Variants in CENPP observed in about 807,000 individuals in gnomAD.
The protein encoded by CENPP is centromere protein P.
Under a neutral mutation model 35.6 loss-of-function variants are expected in CENPP, and 24 were observed. The observed-to-expected ratio is 0.67, with a 90% CI of 0.49 to 0.95. The LOEUF (loss-of-function observed/expected upper bound fraction) is 0.95, where lower values mean the gene tolerates loss of function less well. Ranked by LOEUF, CENPP falls within the 40% of genes least tolerant of loss-of-function variation. The pLI is 0.00. For missense variants in CENPP, 332 were observed against 345.3 expected (o/e 0.96, Z 0.31); for synonymous variants, 120 against 125.5 (o/e 0.96, Z 0.29).
chr9:92,338,515 G>A (rs75572697), intron 3 of CENPP, among the ~76,000 whole-genome samples: 17,499 of 151,972 alleles, frequency 0.12, 1,065 homozygotes, highest in Middle Eastern at 0.15. Flanking sequence ...CAATGTAAAC[G>A]CTATGAAATA....
chr9:92,546,354 C>G (rs926317203), intron 5 of CENPP, among the ~76,000 whole-genome samples: 1 of 152,176 alleles, frequency 6.6e-6, no homozygotes, highest in Non-Finnish European at 1.5e-5. Flanking sequence ...TGTGTGGAAG[C>G]TTTGTTCTTT....
At position 92,615,616 on chromosome 9, in the gene CENPP, C is replaced by T. The variant is rs1453348116; in HGVS notation, c.*2467C>T. On this transcript the variant is annotated 3_prime_UTR_variant, in exon 8 of 8. Coordinates refer to ENST00000375587, the MANE Select transcript of CENPP (RefSeq NM_001012267.3). ...GACACTTCCATTTTAAGAGTGTGAG[C>T]AGCTTCCTGGGACACAGCACTCACT... 5.6e-6 allele frequency: 3 copies of T among 533,568 alleles called. No homozygotes were observed. The Admixed American group carries it at 9.7e-5, about 17-fold the overall frequency. 33.1% of individuals were successfully genotyped at this position (533,568 alleles called of 1,614,324 possible).
At chr9:92,591,505 C>G (rs1036326670) in intron 5 of CENPP, among the ~76,000 whole-genome samples, 2 of 151,454 alleles carry the variant, frequency 1.3e-5, no homozygotes, top group African/African-American at 4.9e-5. Context: ...TGTGTCAATC[C>G]TAACTCAAGA....
intron 5 of CENPP, among the ~76,000 whole-genome samples, chr9:92,446,055 A>G (rs1844544233): frequency 6.6e-6 from 1 of 152,200 alleles, no homozygotes; most frequent in East Asian, 1.9e-4. Context: ...GGTAAAGAAT[A>G]AAAGTTGCTA....
rs552721320 is a variant in CENPP, at chr9:92,601,253, G to C, written c.565-10061G>C. ...CCACACAATTAGACTTGGAGATACA[G>C]TCTTTCCATCCTGTATGTAATCAAA... is the stretch of plus-strand genomic sequence containing the variant. On this transcript the variant is annotated intron_variant, in intron 5 of 7. Coordinates refer to ENST00000375587, the MANE Select transcript of CENPP (RefSeq NM_001012267.3). Among the ~76,000 whole-genome samples the C allele has an allele frequency of 2.6e-5, 4 of 152,278 alleles. No homozygotes were observed. In the South Asian group the frequency reaches 8.3e-4, roughly 32 times the overall value.
intron 5 of CENPP, chr9:92,393,264 A>G: frequency 6.4e-7 from 1 of 1,565,296 alleles, no homozygotes; most frequent in Non-Finnish European, 8.7e-7. Context: ...GAATAAAATC[A>G]TAAAAATATG....
intron 5 of CENPP, among the ~76,000 whole-genome samples, chr9:92,551,623 C>T (rs1189097381): frequency 6.6e-6 from 1 of 151,792 alleles, no homozygotes; most frequent in Non-Finnish European, 1.5e-5. Flanking sequence ...TACCCATCAC[C>T]CAAGCAGTAT....
chr9:92,522,990 T>C, intron 5 of CENPP: 2 of 1,173,262 alleles, frequency 1.7e-6, no homozygotes, highest in Non-Finnish European at 2.3e-6. Flanking sequence ...AGGCAAGTCT[T>C]TGAGAAATTA....
At chr9:92,478,841 A>G (rs556489994) in intron 5 of CENPP, among the ~76,000 whole-genome samples, 1 of 152,250 alleles carries the variant, frequency 6.6e-6, no homozygotes, top group South Asian at 2.1e-4. Flanking sequence ...TTTAACAGAT[A>G]ATATATCCAA....
At chr9:92,386,660 G>T (rs916464814) in intron 5 of CENPP, among the ~76,000 whole-genome samples, 8 of 152,042 alleles carry the variant, frequency 5.3e-5, no homozygotes, top group Non-Finnish European at 1.0e-4. Flanking sequence ...TTTGACCCTG[G>T]TGCTGCCATA....
At chr9:92,557,632 A>G (rs1326167173) in intron 5 of CENPP, among the ~76,000 whole-genome samples, 2 of 151,950 alleles carry the variant, frequency 1.3e-5, no homozygotes, top group Non-Finnish European at 2.9e-5. Flanking sequence ...TTTCCAGAGC[A>G]TTTCGCATTT....
intron 5 of CENPP, among the ~76,000 whole-genome samples, chr9:92,603,218 G>T (rs1479990604): frequency 6.6e-6 from 1 of 152,266 alleles, no homozygotes; most frequent in Non-Finnish European, 1.5e-5. Flanking sequence ...CAGGGCAGTT[G>T]TGCAGGCCCC....
intron 5 of CENPP, among the ~76,000 whole-genome samples, chr9:92,458,721 A>C (rs1239250711): frequency 6.6e-6 from 1 of 152,236 alleles, no homozygotes; most frequent in Admixed American, 6.5e-5. Flanking sequence ...CAGAAATGAC[A>C]TCAGGGATGG....
At chr9:92,352,505 G>GTGTGTGTATATATATATA in intron 4 of CENPP, among the ~76,000 whole-genome samples, 17 of 49,770 alleles carry the variant, frequency 3.4e-4, no homozygotes, top group African/African-American at 1.1e-3. Context: ...GTGTGTGTGT[G>GTGTGTGTATATATATATA]TATACATATA....
At chr9:92,557,909 C>G (rs950923771) in intron 5 of CENPP, among the ~76,000 whole-genome samples, 1 of 152,204 alleles carries the variant, frequency 6.6e-6, no homozygotes, top group Non-Finnish European at 1.5e-5. Flanking sequence ...TCCCAAAGTG[C>G]TGGGATTACA....
At chr9:92,388,687 C>T (rs1842539583) in intron 5 of CENPP, among the ~76,000 whole-genome samples, 1 of 151,630 alleles carries the variant, frequency 6.6e-6, no homozygotes, top group Non-Finnish European at 1.5e-5. Context: ...TAGAAATTAG[C>T]CGGGCGTGGT....
chr9:92,474,781 A>ATCT, intron 5 of CENPP: 1 of 1,583,212 alleles, frequency 6.3e-7, no homozygotes, highest in Non-Finnish European at 8.6e-7. Flanking sequence ...CATCATCATC[A>ATCT]TCATCTGTGT....
chr9:92,533,328 A>AAAAAAAATATAT (rs1554683138), intron 5 of CENPP, among the ~76,000 whole-genome samples: 1 of 38,336 alleles, frequency 2.6e-5, no homozygotes, highest in Non-Finnish European at 4.3e-5. Flanking sequence ...AAAAAAAAAA[A>AAAAAAAATATAT]ATATATATAT....
intron 5 of CENPP, among the ~76,000 whole-genome samples, chr9:92,477,470 C>G (rs1428296436): frequency 6.6e-6 from 1 of 152,142 alleles, no homozygotes; most frequent in Non-Finnish European, 1.5e-5. Flanking sequence ...CCAGTTTATT[C>G]TGTAACATTC....
Sources: allele counts gnomAD v4.1 joint callset (sites outside exome capture counted in the v4.1 genomes callset), GRCh38; gene constraint gnomAD v4.1.1; transcripts MANE v1.5; gene names NCBI Gene and HGNC (gene_info 2026-07-23, HGNC 2026-07-21).